ATP1A4: variants seen among roughly 807,000 people sequenced by gnomAD.
ATP1A4 encodes the protein sodium/potassium-transporting ATPase subunit alpha-4.
Under a neutral mutation model 114.3 loss-of-function variants are expected in ATP1A4, and 90 were observed. The observed-to-expected ratio is 0.79, with a 90% CI of 0.66 to 0.94. The LOEUF is 0.94. Ranked by LOEUF, ATP1A4 falls within the 40% of genes least tolerant of loss-of-function variation. The pLI is 0.00. For missense variants in ATP1A4, 1,222 were observed against 1,313.6 expected (o/e 0.93, Z 1.08); for synonymous variants, 511 against 494.1 (o/e 1.03, Z -0.45).
intron 6 of ATP1A4, among the ~76,000 whole-genome samples, chr1:160,160,723 C>T (rs1571014924): frequency 6.6e-6 from 1 of 152,082 alleles, no homozygotes; most frequent in Non-Finnish European, 1.5e-5. Flanking sequence ...CTCCATATCT[C>T]GTGCTCCTTC....
chr1:160,176,273 A>G (rs1266730484), intron 16 of ATP1A4, 27 bp downstream of exon 16: 3 of 1,612,524 alleles, frequency 1.9e-6, no homozygotes, highest in Admixed American at 1.7e-5. Flanking sequence ...TGAGCAAGAG[A>G]TTCCCAGAAT....
rs61734682 is a variant in ATP1A4, at chr1:160,171,742, C to A, written c.1839C>A (p.Arg613=). ...TGCCTGATGCTGTGAGCAAGTGTCG[C>A]AGTGCAGGAATTAAGGTAAATACTT... The part of the protein sequence containing the change: ...AAVPDAVSKC[R]SAGIKVIMVT... Residue 613 remains arginine, a synonymous_variant, in exon 12 of 22, where the codon CGC becomes CGA. Transcript: ENST00000368081. The A allele has an allele frequency of 2.4e-3, 3,873 of 1,614,070 alleles. 86 individuals are homozygous for A. In the African/African-American group the frequency reaches 0.044, roughly 18 times the overall value.
rs1472007347 is a variant in ATP1A4, at chr1:160,166,993, T to C, written c.1272T>C (p.Asp424=). 6.2e-7 allele frequency: 1 copy of C among 1,614,224 alleles called. No individual in the cohort carries two copies. The highest frequency in any genetic ancestry group is 8.5e-7 in the Non-Finnish European group (1 of 1,180,022). The change falls in exon 9 of 22, where the codon GAT becomes GAC. Residue 424 remains aspartate, a synonymous_variant. Coordinates refer to ENST00000368081, the MANE Select transcript of ATP1A4 (RefSeq NM_144699.4). Reference sequence around the variant, plus strand: ...GAAAAACATTTACCAAGAGCTCTGATACCTGGTTTATGCTGGCCCGAATCG... The same window carrying C: ...GAAAAACATTTACCAAGAGCTCTGACACCTGGTTTATGCTGGCCCGAATCG... The part of the protein sequence containing the change: ...QTGKTFTKSS[D]TWFMLARIAG...
chr1:160,167,576 A>G (rs1653087379), intron 10 of ATP1A4, 164 bp downstream of exon 10: 1 of 983,336 alleles, frequency 1.0e-6, no homozygotes. Flanking sequence ...GAACGTGACA[A>G]ACAGGTAAAG....
At chr1:160,169,023 A>G (rs1416456290) in intron 10 of ATP1A4, among the ~76,000 whole-genome samples, 1 of 144,406 alleles carries the variant, frequency 6.9e-6, no homozygotes, top group Non-Finnish European at 1.5e-5. Context: ...ACTTTCTCTC[A>G]GATGACTATG....
chr1:160,175,225 G>A (rs1653418416), intron 15 of ATP1A4, among the ~76,000 whole-genome samples: 1 of 152,296 alleles, frequency 6.6e-6, no homozygotes, highest in East Asian at 1.9e-4. Context: ...CTTCCCCAGA[G>A]AACTGTGAAG....
At chr1:160,158,326 G>A (rs1203104059) in intron 4 of ATP1A4, among the ~76,000 whole-genome samples, 3 of 152,122 alleles carry the variant, frequency 2.0e-5, no homozygotes, top group African/African-American at 7.2e-5. Flanking sequence ...CTTGTTCATA[G>A]GGTGGCAGAG....
Position 160,171,446 on chromosome 1 carries a change from G to C in ATP1A4, c.1681+6G>C. The C allele has an allele frequency of 1.2e-6, 2 of 1,611,314 alleles. No individual in the cohort carries two copies. The highest frequency in any genetic ancestry group is 1.7e-6 in the Non-Finnish European group (2 of 1,178,116). On this transcript the variant is annotated splice_donor_region_variant and intron_variant, in intron 11 of 21. Transcript: ENST00000368081. ...TCTGGGGGAACGTGTGCTAGGTGAG[G>C]AGCTTTGGGAGAAGTTTTTAAAAGA...
rs369199390 is a variant in ATP1A4, at chr1:160,167,012, C to T, written c.1291C>T (p.Arg431Ter). ...CTCTGATACCTGGTTTATGCTGGCC[C>T]GAATCGCTGGCCTCTGCAACCGGGC... The part of the protein sequence containing the change: ...KSSDTWFMLA[R>*]IAGLCNRADF... The change falls in exon 9 of 22, where the codon CGA (arginine) becomes TGA (stop). Residue 431 changes from arginine (R) to a stop codon, truncating the protein, a stop_gained. Transcript: ENST00000368081. LOFTEE classifies it high-confidence loss of function. 18 of 1,614,140 alleles carry T rather than the reference C, an allele frequency of 1.1e-5. No homozygotes were observed. Among genetic ancestry groups the T allele is most frequent in the Non-Finnish European group, 1.4e-5 (17 of 1,180,022 alleles).
At chr1:160,174,836 T>G in intron 15 of ATP1A4, 89 bp downstream of exon 15, 2 of 1,569,304 alleles carry the variant, frequency 1.3e-6, no homozygotes, top group South Asian at 2.4e-5. Context: ...TTTCCCATCA[T>G]CCAACCTCCA....
chr1:160,158,272 C>T (rs1473762707), intron 4 of ATP1A4, among the ~76,000 whole-genome samples: 7 of 152,164 alleles, frequency 4.6e-5, no homozygotes, highest in African/African-American at 1.7e-4. Flanking sequence ...CAGCTGGGGC[C>T]TTTTTCTTCG....
At chr1:160,163,462 G>A (rs551186192) in intron 6 of ATP1A4, among the ~76,000 whole-genome samples, 2 of 152,228 alleles carry the variant, frequency 1.3e-5, no homozygotes, top group East Asian at 3.9e-4. Flanking sequence ...AATTTGCTAG[G>A]ATGGCTCACA....
chr1:160,186,010 G>A (rs533452582), intron 20 of ATP1A4, among the ~76,000 whole-genome samples: 139 of 145,332 alleles, frequency 9.6e-4, no homozygotes, highest in African/African-American at 3.3e-3. Context: ...CATGAGAATC[G>A]CTTAAATCCG....
At chr1:160,186,415 T>C (rs2101664295) in intron 21 of ATP1A4, 48 bp downstream of exon 21, 1 of 1,414,012 alleles carries the variant, frequency 7.1e-7, no homozygotes, top group Non-Finnish European at 9.9e-7. Flanking sequence ...ACCAGCCCCC[T>C]CACTAGCTCT....
In ATP1A4 at chr1:160,171,435, T is replaced by G; in HGVS notation, c.1676T>G (p.Val559Gly). The G allele has an allele frequency of 6.2e-7, 1 of 1,613,654 alleles. No individual in the cohort carries two copies. Residue 559 changes from valine (V) to glycine (G), a missense_variant, in exon 11 of 22, where the codon GTG (valine) becomes GGG (glycine). Val to Gly is a moderately radical substitution (Grantham distance 109, BLOSUM62 -3). Transcript: ENST00000368081. ...YLELGGLGER[V>G]LGFCFLNLPS... ...GAACTGGGAGGTCTGGGGGAACGTG[T>G]GCTAGGTGAGGAGCTTTGGGAGAAG...
In ATP1A4 at chr1:160,152,166, A is replaced by T. The variant is rs1163681405; in HGVS notation, c.126A>T (p.Glu42Asp). Residue 42 changes from glutamate (E) to aspartate (D), a missense_variant, in exon 1 of 22, where the codon GAA becomes GAT. Physicochemically the swap from Glu to Asp is conservative, Grantham distance 45 (BLOSUM62 2). Coordinates refer to ENST00000368081, the MANE Select transcript of ATP1A4 (RefSeq NM_144699.4). ...KREKQKRNME[E>D]LKKEVVMDDH... ...AAAAACAGAAGCGCAATATGGAGGA[A>T]CTGAAGAAGGAAGTGGTCATGGTGA... 1.9e-6 allele frequency: 3 copies of T among 1,613,802 alleles called. No homozygotes were observed. The highest frequency in any genetic ancestry group is 2.5e-6 in the Non-Finnish European group (3 of 1,179,932).
At chr1:160,167,196 C>T (rs1318919729) in intron 9 of ATP1A4, 82 bp from the exon 10 acceptor site, 2 of 1,513,522 alleles carry the variant, frequency 1.3e-6, no homozygotes, top group Non-Finnish European at 1.8e-6. Flanking sequence ...CCCCATTTGT[C>T]CCCTCTCCAT....
In ATP1A4 at chr1:160,151,813, G is replaced by T; in HGVS notation, c.-228G>T. The T allele has an allele frequency of 6.4e-6, 3 of 469,772 alleles. No individual in the cohort carries two copies. The highest frequency in any genetic ancestry group is 7.6e-6 in the Non-Finnish European group (2 of 262,364). The allele number at this position is 469,772 out of a possible 1,614,324, so 29.1% of individuals were successfully genotyped here. A position where few individuals can be genotyped will look rare whatever the true frequency, so the allele number is the denominator to read the frequency against. ...ACTCCTGACTCTTCCTCTTCCCAGC[G>T]GACGGCTGGAGGACCGCTCAGTCTC... On this transcript the variant is annotated 5_prime_UTR_variant, in exon 1 of 22. Transcript: ENST00000368081.
In ATP1A4 at chr1:160,186,809, G is replaced by A; in HGVS notation, c.*110G>A. Reference sequence around the variant, plus strand: ...CTGAGACACTAGGATGAATTATCTTGGATGAGAAAGATGGGCAATCCTGGG... The same window carrying A: ...CTGAGACACTAGGATGAATTATCTTAGATGAGAAAGATGGGCAATCCTGGG... On this transcript the variant is annotated 3_prime_UTR_variant, in exon 22 of 22. Coordinates refer to ENST00000368081, the MANE Select transcript of ATP1A4 (RefSeq NM_144699.4). The A allele has an allele frequency of 7.8e-7, 1 of 1,275,156 alleles. No individual in the cohort carries two copies. The highest frequency in any genetic ancestry group is 1.1e-6 in the Non-Finnish European group (1 of 896,732). The allele number at this position is 1,275,156 out of a possible 1,614,324, so 79.0% of individuals were successfully genotyped here. A position where few individuals can be genotyped will look rare whatever the true frequency, so the allele number is the denominator to read the frequency against.
Sources: gnomAD v4.1 joint callset for allele counts (sites outside exome capture counted in the v4.1 genomes callset) on GRCh38, gnomAD v4.1.1 for gene constraint, MANE v1.5 for transcripts, NCBI Gene and HGNC (gene_info 2026-07-23, HGNC 2026-07-21) for gene names.